The following POP1 variants were observed in gnomAD, a reference collection of about 807,000 sequenced individuals.
The protein encoded by POP1 is ribonucleases P/MRP protein subunit POP1.
A neutral mutation model predicts 102.2 loss-of-function variants in POP1; 75 were observed. The ratio of observed to expected loss-of-function variants is 0.73; its 90% confidence interval spans 0.61 to 0.89. POP1 has a LOEUF of 0.89. Ranked by LOEUF, POP1 falls within the 40% of genes least tolerant of loss-of-function variation. The pLI is 0.00. For synonymous variants in POP1, 436 were observed against 464.1 expected (o/e 0.94, Z 0.78); for missense variants, 1,116 against 1,267.4 (o/e 0.88, Z 1.81).
Position 98,128,508 on chromosome 8 carries a change from C to A in POP1, c.454C>A (p.Pro152Thr), listed in dbSNP as rs1302629467. The A allele has an allele frequency of 5.0e-6, 8 of 1,613,838 alleles. No individual in the cohort carries two copies. Among genetic ancestry groups the A allele is most frequent in the Non-Finnish European group, 6.8e-6 (8 of 1,179,866 alleles). Residue 152 changes from proline to threonine, a missense_variant, in exon 4 of 16, where the codon CCC (proline) becomes ACC (threonine). Physicochemically the swap from Pro to Thr is conservative, Grantham distance 38. Transcript: ENST00000401707. The stretch of plus-strand genomic sequence containing the variant: ...CATGAGCCACAACGTCAAACGCCTT[C>A]CCAGACGGTTACAGGAGATTGCCCA... ...RAMSHNVKRL[P>T]RRLQEIAQKE...
At chr8:98,123,583 C>T in intron 2 of POP1, 104 bp downstream of exon 2, 1 of 1,006,960 alleles carries the variant, frequency 9.9e-7, no homozygotes, top group Non-Finnish European at 1.5e-6. Flanking sequence ...TCAAGACCAT[C>T]CTGGCCAACA....
At chr8:98,131,706 C>G (rs543470971) in intron 5 of POP1, among the ~76,000 whole-genome samples, 1 of 152,318 alleles carries the variant, frequency 6.6e-6, no homozygotes, top group East Asian at 1.9e-4. Context: ...TCCATAGCAA[C>G]TGTATCATTT....
chr8:98,157,241 C>T (rs1472194140), intron 15 of POP1, among the ~76,000 whole-genome samples: 4 of 152,088 alleles, frequency 2.6e-5, no homozygotes, highest in Admixed American at 1.3e-4. Flanking sequence ...GTATAGTAGC[C>T]TCATAATTTC....
chr8:98,150,334 T>A (rs1809481771), intron 13 of POP1, 151 bp from the exon 14 acceptor site: 2 of 821,418 alleles, frequency 2.4e-6, no homozygotes, highest in Non-Finnish European at 3.9e-6. Context: ...ATTTTATTCA[T>A]TTTTACTATT....
chr8:98,130,713 T>A (rs1816358066), intron 5 of POP1, among the ~76,000 whole-genome samples: 1 of 152,232 alleles, frequency 6.6e-6, no homozygotes, highest in South Asian at 2.1e-4. Context: ...TGTCAAGTTT[T>A]ATTCACTATA....
chr8:98,135,593 A>G (rs555872719), intron 7 of POP1, among the ~76,000 whole-genome samples: 1 of 152,254 alleles, frequency 6.6e-6, no homozygotes, highest in East Asian at 1.9e-4. Context: ...CCCCAGCCCT[A>G]ATTAACCCAT....
chr8:98,128,303 T>C, intron 3 of POP1, 62 bp from the exon 4 acceptor site: 1 of 1,529,800 alleles, frequency 6.5e-7, no homozygotes, highest in Non-Finnish European at 9.0e-7. Flanking sequence ...CCCAGCAGCC[T>C]GTTTATTCTC....
Position 98,134,652 on chromosome 8 carries a change from T to G in POP1, c.1004T>G (p.Leu335Arg). ...CTGTGGATCTGGCTGCATCCAACCCTTAAACAGGTATAATCCTTCAGGTTA... is the reference window on the plus strand; with the variant it reads ...CTGTGGATCTGGCTGCATCCAACCCGTAAACAGGTATAATCCTTCAGGTTA... ...RQLWIWLHPT[L>R]KQDILEEIKA... The change falls in exon 7 of 16, where the codon CTT (leucine) becomes CGT (arginine). Residue 335 changes from leucine to arginine, a missense_variant. By Grantham distance (102) the Leu-to-Arg change is moderately radical (BLOSUM62 -2). Coordinates refer to ENST00000401707, the MANE Select transcript of POP1 (RefSeq NM_001145860.2). 6.2e-7 allele frequency: 1 copy of G among 1,611,218 alleles called. No individual in the cohort carries two copies. The highest frequency in any genetic ancestry group is 8.5e-7 in the Non-Finnish European group (1 of 1,177,320).
At chr8:98,138,529 A>G (rs1816614151) in intron 9 of POP1, among the ~76,000 whole-genome samples, 1 of 152,222 alleles carries the variant, frequency 6.6e-6, no homozygotes, top group Non-Finnish European at 1.5e-5. Flanking sequence ...AAGTTAAACT[A>G]GATCCCTCCT....
intron 1 of POP1, among the ~76,000 whole-genome samples, chr8:98,122,273 A>G (rs1012798584): frequency 3.9e-5 from 6 of 152,150 alleles, no homozygotes; most frequent in Non-Finnish European, 5.9e-5. Flanking sequence ...CATTAGTGGC[A>G]TTGCTACCTT....
At chr8:98,153,959 A>T (rs1023189875) in intron 14 of POP1, among the ~76,000 whole-genome samples, 18 of 152,182 alleles carry the variant, frequency 1.2e-4, no homozygotes, top group African/African-American at 4.1e-4. Flanking sequence ...ACATGGATTT[A>T]TTTAGCTAGG....
chr8:98,143,134 A>G (rs1479458478), intron 11 of POP1, among the ~76,000 whole-genome samples: 1 of 152,230 alleles, frequency 6.6e-6, no homozygotes, highest in Non-Finnish European at 1.5e-5. Context: ...TGGAGTTAAT[A>G]TAATCAATTC....
At chr8:98,157,056 C>A (rs1190136017) in intron 15 of POP1, among the ~76,000 whole-genome samples, 1 of 151,758 alleles carries the variant, frequency 6.6e-6, no homozygotes, top group Non-Finnish European at 1.5e-5. Context: ...TACATGCCAC[C>A]ACGCCTGGCT....
intron 2 of POP1, among the ~76,000 whole-genome samples, chr8:98,126,984 T>A (rs1816224076): frequency 6.6e-6 from 1 of 152,158 alleles, no homozygotes; most frequent in South Asian, 2.1e-4. Context: ...AAATAACAAA[T>A]GTATTTCTCA....
intron 12 of POP1, among the ~76,000 whole-genome samples, chr8:98,147,448 A>G (rs998841446): frequency 1.3e-5 from 2 of 152,222 alleles, no homozygotes; most frequent in Admixed American, 1.3e-4. Flanking sequence ...GAGGAAGCTG[A>G]AGACACAAAT....
intron 1 of POP1, among the ~76,000 whole-genome samples, chr8:98,121,517 T>TTG (rs1816020305): frequency 6.7e-6 from 1 of 148,738 alleles, no homozygotes; most frequent in African/African-American, 2.5e-5. Context: ...CACGGGTTTT[T>TTG]TTTTTTTTTT....
intron 6 of POP1, 56 bp from the exon 7 acceptor site, chr8:98,134,416 A>G: frequency 6.5e-7 from 1 of 1,550,328 alleles, no homozygotes; most frequent in Non-Finnish European, 8.9e-7. Context: ...TTATCAGGAA[A>G]TAGGACTGCA....
intron 2 of POP1, among the ~76,000 whole-genome samples, chr8:98,124,560 A>G (rs1816140135): frequency 2.6e-5 from 4 of 152,086 alleles, no homozygotes; most frequent in Non-Finnish European, 5.9e-5. Flanking sequence ...CTGTCCCAAA[A>G]AAAAGGAAAA....
At chr8:98,133,387 A>G (rs1011039013) in intron 5 of POP1, among the ~76,000 whole-genome samples, 4 of 152,206 alleles carry the variant, frequency 2.6e-5, no homozygotes, top group African/African-American at 9.6e-5. Context: ...GTTGCATATC[A>G]TGGTCAAGAC....
Sources: allele counts gnomAD v4.1 joint callset (sites outside exome capture counted in the v4.1 genomes callset), GRCh38; gene constraint gnomAD v4.1.1; transcripts MANE v1.5; gene names NCBI Gene and HGNC (gene_info 2026-07-23, HGNC 2026-07-21).